MICAL1: variants seen among roughly 807,000 people sequenced by gnomAD.
The protein encoded by MICAL1 is microtubule associated monooxygenase, calponin and LIM domain containing 1.
MICAL1 carries 95 observed loss-of-function variants against 131.8 expected under a neutral mutation model. The ratio of observed to expected loss-of-function variants is 0.72; its 90% confidence interval spans 0.61 to 0.86. MICAL1 has a LOEUF of 0.86. Ranked by LOEUF, MICAL1 falls within the 40% of genes least tolerant of loss-of-function variation. The pLI is 0.00. For synonymous variants in MICAL1, 546 were observed against 554.2 expected (o/e 0.99, Z 0.21); for missense variants, 1,292 against 1,380.6 (o/e 0.94, Z 1.02).
chr6:109,453,228 G>T, intron 4 of MICAL1, 35 bp downstream of exon 4: 1 of 1,529,666 alleles, frequency 6.5e-7, no homozygotes, highest in Non-Finnish European at 9.1e-7. Flanking sequence ...CTTGATGGGG[G>T]AGGGGGAGAT....
At chr6:109,459,241 T>TTCAGCAAGGCAC (rs1775832892), upstream of MICAL1, among the ~76,000 whole-genome samples, 8 of 152,300 alleles carry the variant, frequency 5.3e-5, no homozygotes, top group South Asian at 1.2e-3. Flanking sequence ...AATCCATTCA[T>TTCAGCAAGGCAC]TCAGCAAGGC....
intron 1 of MICAL1, chr6:109,464,808 A>G (rs1479777768): frequency 6.6e-6 from 1 of 152,166 alleles, no homozygotes; most frequent in East Asian, 1.9e-4. Flanking sequence ...CCTGTCTCTA[A>G]AAAAGGAAAG....
chr6:109,459,573 C>T (rs1487606772), upstream of MICAL1, among the ~76,000 whole-genome samples: 1 of 152,158 alleles, frequency 6.6e-6, no homozygotes, highest in Non-Finnish European at 1.5e-5. Context: ...TTCCTTCCCA[C>T]CTTATTCCTC....
Position 109,448,314 on chromosome 6 carries a change from T to A in MICAL1, c.1744A>T (p.Ile582Phe), listed in dbSNP as rs763354734. 1 of 1,614,064 alleles carries A rather than the reference T, an allele frequency of 6.2e-7. No individual in the cohort carries two copies. The highest frequency in any genetic ancestry group is 8.5e-7 in the Non-Finnish European group (1 of 1,180,012). ...GCCTGTGCAGACACCACCGGTGTGATGCCCAGCTCATTCTCTGCCACCTTT... is the reference window on the plus strand; with the variant it reads ...GCCTGTGCAGACACCACCGGTGTGAAGCCCAGCTCATTCTCTGCCACCTTT... ...ALKVAENELG[I>F]TPVVSAQAVV... Residue 582 changes from isoleucine to phenylalanine, a missense_variant, in exon 13 of 25, where the codon ATC becomes TTC. Ile to Phe is a conservative substitution (Grantham distance 21). Coordinates refer to ENST00000358807, the MANE Select transcript of MICAL1 (RefSeq NM_022765.4).
At position 109,446,397 on chromosome 6, in the gene MICAL1, T is replaced by G; in HGVS notation, c.2320A>C (p.Ser774Arg). The G allele has an allele frequency of 7.4e-7, 1 of 1,356,244 alleles. No individual in the cohort carries two copies. The highest frequency in any genetic ancestry group is 9.8e-7 in the Non-Finnish European group (1 of 1,020,374). 84.0% of individuals were successfully genotyped at this position (1,356,244 alleles called of 1,614,324 possible). Residue 774 changes from serine (S) to arginine (R), a missense_variant, in exon 19 of 25, where the codon AGT (serine) becomes CGT (arginine). Transcript: ENST00000358807. ...GPESPELPTP[S>R]ENSMPPGLST... Reference sequence around the variant, plus strand: ...AGGCCTGGTGGCATGCTATTCTCACTTGGTGTGGGGAGCTCCTGGAAAAGC... The same window carrying G: ...AGGCCTGGTGGCATGCTATTCTCACGTGGTGTGGGGAGCTCCTGGAAAAGC...
exon 1 of MICAL1, chr6:109,465,894 T>C: frequency 6.2e-7 from 1 of 1,614,084 alleles, no homozygotes; most frequent in Non-Finnish European, 8.5e-7. Context: ...GGGCACGTGG[T>C]GAGTGGGTGG....
chr6:109,454,047 C>T lies in MICAL1; in HGVS notation c.150G>A (p.Lys50=), dbSNP rs1157579992. Residue 50 remains lysine (K), a synonymous_variant, in exon 2 of 25, where the codon AAG becomes AAA. Coordinates refer to ENST00000358807, the MANE Select transcript of MICAL1 (RefSeq NM_022765.4). ...TCCAGTAGTTGAGCTGGTCCTTGAT[C>T]TTGTGGTACTGGGGCAGCCCCCCAC... ...EPGGGLPQYH[K]IKDQLNYWSA... is the part of the protein sequence containing the mutation. 6.2e-7 allele frequency: 1 copy of T among 1,614,052 alleles called. No individual in the cohort carries two copies. The highest frequency in any genetic ancestry group is 8.5e-7 in the Non-Finnish European group (1 of 1,180,048).
At chr6:109,464,986 G>C (rs1464484400) in intron 1 of MICAL1, 1 of 152,210 alleles carries the variant, frequency 6.6e-6, no homozygotes, top group Non-Finnish European at 1.5e-5. Flanking sequence ...ACTGAATAAA[G>C]TTTTATGTTC....
rs772041731 is a variant in MICAL1, at chr6:109,450,433, T to C, written c.1058A>G (p.Gln353Arg). The change falls in exon 8 of 25, where the codon CAG (glutamine) becomes CGG (arginine). Residue 353 changes from glutamine to arginine, a missense_variant. Coordinates refer to ENST00000358807, the MANE Select transcript of MICAL1 (RefSeq NM_022765.4). ...GACATCAGGCTGCCCATGGGCATCC[T>C]GGGCAAACTCTAGTTTCCCGAGCTT... Reference protein sequence around the residue: ...HGKLGKLEFAQDAHGQPDVSA... With the variant: ...HGKLGKLEFARDAHGQPDVSA... The C allele has an allele frequency of 6.2e-7, 1 of 1,613,604 alleles. No homozygotes were observed.
chr6:109,464,279 G>A (rs185617162), intron 1 of MICAL1: 72 of 152,194 alleles, frequency 4.7e-4, no homozygotes, highest in Admixed American at 2.0e-3. Context: ...TAGCAAATAT[G>A]CAACCAAAAT....
chr6:109,456,757 C>T (rs1231986627), upstream of MICAL1, among the ~76,000 whole-genome samples: 7 of 152,208 alleles, frequency 4.6e-5, no homozygotes, highest in East Asian at 1.3e-3. Context: ...TGACCGTCAT[C>T]CTATGAGTAT....
At chr6:109,458,799 T>C (rs1195214545), upstream of MICAL1, among the ~76,000 whole-genome samples, 4 of 152,142 alleles carry the variant, frequency 2.6e-5, no homozygotes, top group Admixed American at 2.6e-4. Context: ...TCACCTGTAA[T>C]ATGGCTTTGT....
chr6:109,452,271 G>A lies in MICAL1; in HGVS notation c.807C>T (p.Phe269=). ...SGVARIYNQS[F]FQSLLKATGI... Reference sequence around the variant, plus strand: ...CTGTGGCTTTGAGAAGGCTCTGGAAGAAGCTCTGGTTGTAGATCCTGGCTA... The same window carrying A: ...CTGTGGCTTTGAGAAGGCTCTGGAAAAAGCTCTGGTTGTAGATCCTGGCTA... Residue 269 remains phenylalanine, a synonymous_variant, in exon 6 of 25, where the codon TTC becomes TTT. Coordinates refer to ENST00000358807, the MANE Select transcript of MICAL1 (RefSeq NM_022765.4). 4 of 1,613,994 alleles carry A rather than the reference G, an allele frequency of 2.5e-6. No individual in the cohort carries two copies. Among genetic ancestry groups the A allele is most frequent in the Non-Finnish European group, 3.4e-6 (4 of 1,179,882 alleles).
In MICAL1 at chr6:109,450,631, C is replaced by G. The variant is rs577983992; in HGVS notation, c.934-74G>C. On this transcript the variant is annotated intron_variant, in intron 7 of 24. Transcript: ENST00000358807. The stretch of plus-strand genomic sequence containing the variant: ...AGTGGGCCAGTGCCACCCCCTTGGG[C>G]GCAGAAGGTGCACATCCTGGGGCCC... 4 of 1,493,572 alleles carry G rather than the reference C, an allele frequency of 2.7e-6. No individual in the cohort carries two copies. The East Asian group carries it at 9.6e-5, about 36-fold the overall frequency. The allele number at this position is 1,493,572 out of a possible 1,614,324, so 92.5% of individuals were successfully genotyped here.
chr6:109,445,242 C>G lies in MICAL1; in HGVS notation c.2836G>C (p.Glu946Gln). Residue 946 changes from glutamate (E) to glutamine (Q), a missense_variant, in exon 22 of 25, where the codon GAG (glutamate) becomes CAG (glutamine). By Grantham distance (29) the Glu-to-Gln change is conservative. Coordinates refer to ENST00000358807, the MANE Select transcript of MICAL1 (RefSeq NM_022765.4). The part of the protein sequence containing the change: ...NEIEAALREL[E>Q]AEGVKLELAL... ...AGCTCCAGCTTCACGCCCTCGGCCT[C>G]TAGCTCCCTCAAGGCAGCCTCAATC... 6.2e-6 allele frequency: 10 copies of G among 1,614,094 alleles called. No homozygotes were observed. Among genetic ancestry groups the G allele is most frequent in the Non-Finnish European group, 8.5e-6 (10 of 1,180,040 alleles).
chr6:109,449,819 G>C, intron 9 of MICAL1, 36 bp from the exon 10 acceptor site: 1 of 1,593,294 alleles, frequency 6.3e-7, no homozygotes, highest in Non-Finnish European at 8.5e-7. Context: ...GGGCATGAAT[G>C]GGAGGGCACC....
At chr6:109,448,653 A>G in intron 12 of MICAL1, 79 bp downstream of exon 12, 3 of 1,572,648 alleles carry the variant, frequency 1.9e-6, no homozygotes, top group Non-Finnish European at 2.6e-6. Flanking sequence ...AGGGAAGCAC[A>G]CTGTCTCTAG....
chr6:109,448,980 G>C (rs1775381927), intron 11 of MICAL1, 101 bp from the exon 12 acceptor site: 17 of 1,488,540 alleles, frequency 1.1e-5, no homozygotes, highest in Non-Finnish European at 1.4e-5. Flanking sequence ...GGGAGGAGGA[G>C]TCAGGGACCC....
intron 4 of MICAL1, 29 bp from the exon 5 acceptor site, chr6:109,452,644 GGT>G: frequency 1.3e-6 from 2 of 1,575,784 alleles, no homozygotes; most frequent in Non-Finnish European, 1.7e-6. Context: ...GAGGCACAAA[GGT>G]GTAGAAGTCG....
Sources: allele counts gnomAD v4.1 joint callset (sites outside exome capture counted in the v4.1 genomes callset), GRCh38; gene constraint gnomAD v4.1.1; transcripts MANE v1.5; gene names NCBI Gene and HGNC (gene_info 2026-07-23, HGNC 2026-07-21).